The following ARL15 variants were observed in gnomAD, a reference collection of about 807,000 sequenced individuals.
The protein encoded by ARL15 is ARF like GTPase 15.
Under a neutral mutation model 25.2 loss-of-function variants are expected in ARL15, and 19 were observed. That is an observed-to-expected ratio of 0.75 (90% CI 0.53 to 1.10). The LOEUF (loss-of-function observed/expected upper bound fraction) is 1.10, where lower values mean the gene tolerates loss of function less well. ARL15 is among the 50% of genes least tolerant of loss of function. The pLI, the probability that ARL15 is intolerant of heterozygous loss-of-function variation, is 0.00. For synonymous variants in ARL15, 94 were observed against 86.8 expected (o/e 1.08, Z -0.46); for missense variants, 220 against 246.0 (o/e 0.89, Z 0.71).
At chr5:54,156,019 T>G (rs156827) in intron 2 of ARL15, among the ~76,000 whole-genome samples, 31,864 of 152,086 alleles carry the variant, frequency 0.21, 4,058 homozygotes, top group East Asian at 0.68. Context: ...GAAGACAAAT[T>G]ATGAGTCTTT....
Position 53,975,467 on chromosome 5 carries a change from G to A in ARL15, c.463-88754C>T, listed in dbSNP as rs1157904902. Among the ~76,000 whole-genome samples, 6 of 152,138 alleles carry A rather than the reference G, an allele frequency of 3.9e-5. No individual in the cohort carries two copies. The East Asian group carries it at 7.7e-4, about 20-fold the overall frequency. ...AGTTCTCAAGGATCTTGGCCTTTACGGGCACCCTAAATCCTTGGTTAGTGT... is the reference window on the plus strand; with the variant it reads ...AGTTCTCAAGGATCTTGGCCTTTACAGGCACCCTAAATCCTTGGTTAGTGT... On this transcript the variant is annotated intron_variant, in intron 4 of 4. Coordinates refer to ENST00000504924, the MANE Select transcript of ARL15 (RefSeq NM_019087.3).
chr5:54,253,390 C>A (rs1370121343), intron 1 of ARL15, among the ~76,000 whole-genome samples: 1 of 152,016 alleles, frequency 6.6e-6, no homozygotes, highest in Non-Finnish European at 1.5e-5. Flanking sequence ...AACATGTAAC[C>A]CCATGTAATC....
chr5:53,896,943 C>T (rs1173107894), intron 4 of ARL15, among the ~76,000 whole-genome samples: 1 of 152,144 alleles, frequency 6.6e-6, no homozygotes, highest in Non-Finnish European at 1.5e-5. Context: ...GTTATCATTA[C>T]CTACTTCACT....
At chr5:53,999,632 G>C (rs985907829) in intron 4 of ARL15, among the ~76,000 whole-genome samples, 3 of 151,664 alleles carry the variant, frequency 2.0e-5, no homozygotes, top group South Asian at 2.1e-4. Context: ...ATACATAAAG[G>C]CTGGGTGCGG....
intron 4 of ARL15, among the ~76,000 whole-genome samples, chr5:54,027,285 C>T (rs1182330182): frequency 6.6e-6 from 1 of 152,136 alleles, no homozygotes; most frequent in Non-Finnish European, 1.5e-5. Context: ...AGCAATAAAG[C>T]TGTGCTTATA....
intron 1 of ARL15, among the ~76,000 whole-genome samples, chr5:54,277,263 T>C (rs987163539): frequency 1.3e-5 from 2 of 151,888 alleles, no homozygotes; most frequent in African/African-American, 4.8e-5. Context: ...TCTCCCTGCC[T>C]CCCTCCCCCC....
intron 3 of ARL15, among the ~76,000 whole-genome samples, chr5:54,151,940 G>A (rs1298639453): frequency 1.3e-5 from 2 of 151,964 alleles, no homozygotes; most frequent in Admixed American, 6.6e-5. Flanking sequence ...GGAGAACAGG[G>A]GCCATGCTGT....
intron 4 of ARL15, among the ~76,000 whole-genome samples, chr5:54,049,883 T>C (rs1213781409): frequency 6.6e-6 from 1 of 152,124 alleles, no homozygotes; most frequent in Non-Finnish European, 1.5e-5. Context: ...GAAATATAGA[T>C]TTTAATCTTC....
chr5:54,259,250 G>GCA (rs1057432414), intron 1 of ARL15, among the ~76,000 whole-genome samples: 2 of 151,972 alleles, frequency 1.3e-5, no homozygotes, highest in East Asian at 1.9e-4. Flanking sequence ...ACTCATATAT[G>GCA]CACACACACA....
intron 1 of ARL15, among the ~76,000 whole-genome samples, chr5:54,181,520 C>T (rs1295435024): frequency 2.0e-5 from 3 of 152,248 alleles, no homozygotes; most frequent in East Asian, 1.9e-4. Flanking sequence ...ATTACCTGAA[C>T]AGAACATTTC....
intron 4 of ARL15, among the ~76,000 whole-genome samples, chr5:54,076,637 C>T (rs1255915490): frequency 2.0e-5 from 3 of 152,078 alleles, no homozygotes; most frequent in South Asian, 2.1e-4. Context: ...AAAAAATCAC[C>T]TTCTCAAGGC....
chr5:53,953,894 A>G (rs147189186), intron 4 of ARL15, among the ~76,000 whole-genome samples: 1 of 152,176 alleles, frequency 6.6e-6, no homozygotes, highest in Non-Finnish European at 1.5e-5. Flanking sequence ...TCACTTAAAA[A>G]CACTAGGTTT....
intron 4 of ARL15, among the ~76,000 whole-genome samples, chr5:53,941,619 A>G (rs952298821): frequency 6.6e-6 from 1 of 152,240 alleles, no homozygotes; most frequent in Non-Finnish European, 1.5e-5. Context: ...CAGAATGAAT[A>G]TCAACCTAGG....
intron 4 of ARL15, among the ~76,000 whole-genome samples, chr5:53,949,545 T>C (rs1395670270): frequency 6.6e-6 from 1 of 152,206 alleles, no homozygotes; most frequent in East Asian, 1.9e-4. Flanking sequence ...ACAGCATGCA[T>C]AAGATCAAAC....
At chr5:53,907,488 ATT>A (rs869174212) in intron 4 of ARL15, among the ~76,000 whole-genome samples, 46 of 17,994 alleles carry the variant, frequency 2.6e-3, no homozygotes, top group South Asian at 7.6e-3. Context: ...ATATATATAT[ATT>A]TTTTTTTTTT....
intron 2 of ARL15, among the ~76,000 whole-genome samples, chr5:54,161,576 ATTTG>A (rs568598313): frequency 6.6e-6 from 1 of 152,206 alleles, no homozygotes; most frequent in South Asian, 2.1e-4. Flanking sequence ...TTTTCCATTA[ATTTG>A]TTTGCCATTT....
At chr5:53,914,143 ACACACTCT>A (rs948015933) in intron 4 of ARL15, among the ~76,000 whole-genome samples, 48 of 148,716 alleles carry the variant, frequency 3.2e-4, no homozygotes, top group African/African-American at 1.1e-3. Flanking sequence ...AGGCCCACAC[ACACACTCT>A]CACACACACA....
intron 1 of ARL15, among the ~76,000 whole-genome samples, chr5:54,180,736 T>C (rs1048124979): frequency 2.6e-5 from 4 of 152,214 alleles, no homozygotes; most frequent in Non-Finnish European, 4.4e-5. Context: ...TTTGTATTTC[T>C]CAATCCACAT....
At chr5:54,047,537 C>CT (rs1561201708) in intron 4 of ARL15, among the ~76,000 whole-genome samples, 1 of 152,192 alleles carries the variant, frequency 6.6e-6, no homozygotes, top group African/African-American at 2.4e-5. Context: ...AAGGACTCTG[C>CT]TAGGGCATCG....
Sources: allele counts gnomAD v4.1 joint callset (sites outside exome capture counted in the v4.1 genomes callset), GRCh38; gene constraint gnomAD v4.1.1; transcripts MANE v1.5; gene names NCBI Gene and HGNC (gene_info 2026-07-23, HGNC 2026-07-21).